The following AGXT variants were observed in gnomAD, a reference collection of about 807,000 sequenced individuals.
AGXT encodes alanine--glyoxylate aminotransferase.
A neutral mutation model predicts 46.9 loss-of-function variants in AGXT; 41 were observed. That is an observed-to-expected ratio of 0.88 (90% CI 0.68 to 1.14). The LOEUF is 1.14. Among genes scored for constraint, AGXT ranks in the 50% most tolerant of loss-of-function variants. The probability of loss-of-function intolerance (pLI) is 0.00; values close to 1 mark genes in which losing one functional copy is unlikely to be tolerated. For missense variants in AGXT, 525 were observed against 522.7 expected, an observed-to-expected ratio of 1.00 and a Z score of -0.04; for synonymous variants, 244 against 227.9, an observed-to-expected ratio of 1.07 and a Z score of -0.64.
chr2:240,869,137 G>T lies in AGXT; in HGVS notation c.166-33G>T, dbSNP rs778459277. On this transcript the variant is annotated intron_variant, in intron 1 of 10. Transcript: ENST00000307503. ...GCCTCCTCACTTGGGGAGGCGGGGA[G>T]CCTGGGTCTCACCCTATACCACCCG... 125 of 1,610,956 alleles carry T rather than the reference G, an allele frequency of 7.8e-5. No homozygotes were observed. The South Asian group carries it at 1.3e-3, about 17-fold the overall frequency.
At chr2:240,873,955 C>A in intron 5 of AGXT, 23 bp from the exon 6 acceptor site, 9 of 1,612,452 alleles carry the variant, frequency 5.6e-6, no homozygotes, top group African/African-American at 1.3e-5. Context: ...CTCACCCGTC[C>A]CGAGCAAACC....
Position 240,875,936 on chromosome 2 carries a change from T to C in AGXT, c.778T>C (p.Tyr260His). ...FWGCDDQPRM[Y>H]HHTIPVISLY... ...ACCAAGCCCCCTCGTGTCTTCCAGG[T>C]ACCATCACACAATCCCCGTCATCAG... Residue 260 changes from tyrosine (Y) to histidine (H), a missense_variant and splice_region_variant, in exon 8 of 11, where the codon TAC becomes CAC. By Grantham distance (83) the Tyr-to-His change is moderately conservative (BLOSUM62 2). Coordinates refer to ENST00000307503, the MANE Select transcript of AGXT (RefSeq NM_000030.3). 6.2e-7 allele frequency: 1 copy of C among 1,614,108 alleles called. No homozygotes were observed. Among genetic ancestry groups the C allele is most frequent in the Non-Finnish European group, 8.5e-7 (1 of 1,180,004 alleles).
chr2:240,875,222 T>C lies in AGXT; in HGVS notation c.776+18T>C. The C allele has an allele frequency of 6.3e-7, 1 of 1,598,406 alleles. No individual in the cohort carries two copies. The highest frequency in any genetic ancestry group is 8.6e-7 in the Non-Finnish European group (1 of 1,165,944). On this transcript the variant is annotated intron_variant, in intron 7 of 10. Coordinates refer to ENST00000307503, the MANE Select transcript of AGXT (RefSeq NM_000030.3). ...CCCAGGATGTGAGGCCTGGCAGGGATGGGAAGGTGGAGGGCGCTGGGCATG... is the reference window on the plus strand; with the variant it reads ...CCCAGGATGTGAGGCCTGGCAGGGACGGGAAGGTGGAGGGCGCTGGGCATG...
chr2:240,871,716 G>T (rs1178688161), intron 4 of AGXT, among the ~76,000 whole-genome samples: 1 of 152,158 alleles, frequency 6.6e-6, no homozygotes, highest in East Asian at 1.9e-4. Context: ...AAGAGGGCTT[G>T]GTGCAGACTT....
chr2:240,875,014 C>T (rs1232429863), intron 6 of AGXT, 95 bp from the exon 7 acceptor site: 12 of 1,181,308 alleles, frequency 1.0e-5, no homozygotes, highest in South Asian at 3.7e-5. Flanking sequence ...GGCCCCACCC[C>T]GTCTCACTCC....
chr2:240,878,702 T>C lies in AGXT; in HGVS notation c.1072-12T>C. 6.5e-7 allele frequency: 1 copy of C among 1,546,856 alleles called. No homozygotes were observed. The highest frequency in any genetic ancestry group is 8.7e-7 in the Non-Finnish European group (1 of 1,149,394). ...GCGGGAGGCTGACGTCAGCCCGCCC[T>C]GTGCCCCCCAGGTGCTGCGGATCGG... On this transcript the variant is annotated splice_polypyrimidine_tract_variant and intron_variant, in intron 10 of 10. Transcript: ENST00000307503.
In AGXT at chr2:240,873,959, G is replaced by A. The variant is rs777203875; in HGVS notation, c.596-19G>A. On this transcript the variant is annotated intron_variant, in intron 5 of 10. Coordinates refer to ENST00000307503, the MANE Select transcript of AGXT (RefSeq NM_000030.3). ...CTGAGGTGGGACTCACCCGTCCCGA[G>A]CAAACCACCCATCTACAGGCATCGA... The A allele has an allele frequency of 6.2e-7, 1 of 1,613,028 alleles. No homozygotes were observed. Among genetic ancestry groups the A allele is most frequent in the Non-Finnish European group, 8.5e-7 (1 of 1,179,724 alleles).
At chr2:240,871,127 G>A (rs1384192246) in intron 3 of AGXT, 6 of 612,490 alleles carry the variant, frequency 9.8e-6, no homozygotes, top group Admixed American at 2.6e-5. Context: ...CAACAGGCTG[G>A]GGGCACCCTC....
At position 240,869,227 on chromosome 2, in the gene AGXT, A is replaced by G. The variant is rs752428496; in HGVS notation, c.223A>G (p.Thr75Ala). 6.2e-7 allele frequency: 1 copy of G among 1,601,058 alleles called. No homozygotes were observed. Among genetic ancestry groups the G allele is most frequent in the Non-Finnish European group, 8.5e-7 (1 of 1,171,224 alleles). Residue 75 changes from threonine to alanine, a missense_variant, in exon 2 of 11, where the codon ACA becomes GCA. Coordinates refer to ENST00000307503, the MANE Select transcript of AGXT (RefSeq NM_000030.3). Reference protein sequence around the residue: ...QYVFQTRNPLTLVISGSGHCA... With the variant: ...QYVFQTRNPLALVISGSGHCA... ...CGTGTTCCAGACCAGGAACCCACTC[A>G]CACTGGTCATCTCTGGCTCGGGACA...
Position 240,873,535 on chromosome 2 carries a change from C to T in AGXT, c.596-443C>T, listed in dbSNP as rs868144485. 6.6e-5 allele frequency: 18 copies of T among 271,910 alleles called. 1 individual carries two copies. The highest frequency in any genetic ancestry group is 3.4e-4 in the South Asian group (7 of 20,862). The allele number at this position is 271,910 out of a possible 1,614,324, so 16.8% of individuals were successfully genotyped here. ...GGAGCCTCCTGTGCCCATCCGCTTA[C>T]GGGAGAGAGCCTGCACATTGCATCC... On this transcript the variant is annotated intron_variant, in intron 5 of 10. Transcript: ENST00000307503.
intron 2 of AGXT, among the ~76,000 whole-genome samples, chr2:240,869,580 C>G (rs1051834027): frequency 1.3e-5 from 2 of 152,212 alleles, no homozygotes; most frequent in East Asian, 3.9e-4. Flanking sequence ...GCACAGGTGC[C>G]CCGATCCCCC....
Position 240,869,379 on chromosome 2 carries a change from G to A in AGXT, c.358+17G>A, listed in dbSNP as rs775392673. On this transcript the variant is annotated intron_variant, in intron 2 of 10. Transcript: ENST00000307503. ...AGCGCATAGGTAAGGGAGAGGCCCAGGTGGGGATGGCCCTGGATCCATCCT... is the reference window on the plus strand; with the variant it reads ...AGCGCATAGGTAAGGGAGAGGCCCAAGTGGGGATGGCCCTGGATCCATCCT... 4 of 1,562,528 alleles carry A rather than the reference G, an allele frequency of 2.6e-6. No homozygotes were observed. The highest frequency in any genetic ancestry group is 1.4e-5 in the African/African-American group (1 of 73,970).
At chr2:240,875,884 T>G (rs769705027) in intron 7 of AGXT, 51 bp from the exon 8 acceptor site, 23 of 1,587,642 alleles carry the variant, frequency 1.4e-5, no homozygotes, top group Non-Finnish European at 2.0e-5. Context: ...ATGCCCCATC[T>G]GCCCCCAACC....
In AGXT at chr2:240,872,997, G is replaced by C; in HGVS notation, c.543G>C (p.Leu181=). Residue 181 remains leucine (L), a synonymous_variant, in exon 5 of 11, where the codon CTG becomes CTC. Coordinates refer to ENST00000307503, the MANE Select transcript of AGXT (RefSeq NM_000030.3). ...ELCHRYKCLL[L]VDSVASLGGT... is the part of the protein sequence containing the mutation. ...TCTCCAGGTACAAGTGCCTGCTCCT[G>C]GTGGATTCGGTGGCATCCCTGGGCG... 1 of 1,613,990 alleles carries C rather than the reference G, an allele frequency of 6.2e-7. No individual in the cohort carries two copies. The highest frequency in any genetic ancestry group is 8.5e-7 in the Non-Finnish European group (1 of 1,179,948).
chr2:240,869,424 C>G (rs1370203714), intron 2 of AGXT, 62 bp downstream of exon 2: 1 of 1,280,124 alleles, frequency 7.8e-7, no homozygotes, highest in African/African-American at 1.4e-5. Context: ...CCCTGGCCTC[C>G]CTCTGTTTGA....
chr2:240,873,883 G>T, intron 5 of AGXT, 95 bp from the exon 6 acceptor site: 5 of 1,123,556 alleles, frequency 4.5e-6, no homozygotes, highest in Non-Finnish European at 6.8e-6. Flanking sequence ...TGGTAGGGTC[G>T]TAGCCTACCA....
At chr2:240,871,249 GC>G (rs2058988756) in intron 3 of AGXT, 99 bp from the exon 4 acceptor site, 4 of 1,029,748 alleles carry the variant, frequency 3.9e-6, no homozygotes, top group Admixed American at 2.0e-5. Context: ...GGCAGGCCCA[GC>G]CCCTGCTACC....
chr2:240,875,065 C>A, intron 6 of AGXT, 44 bp from the exon 7 acceptor site: 1 of 1,535,580 alleles, frequency 6.5e-7, no homozygotes, highest in African/African-American at 1.4e-5. Context: ...TGGCCTTCAG[C>A]CCAAACTGAG....
At chr2:240,875,649 A>G (rs1449577442) in intron 7 of AGXT, among the ~76,000 whole-genome samples, 1 of 152,216 alleles carries the variant, frequency 6.6e-6, no homozygotes, top group Non-Finnish European at 1.5e-5. Context: ...CCGGCTTCGC[A>G]GGCACGCTGG....
Sources: allele counts gnomAD v4.1 joint callset (sites outside exome capture counted in the v4.1 genomes callset), GRCh38; gene constraint gnomAD v4.1.1; transcripts MANE v1.5; gene names NCBI Gene and HGNC (gene_info 2026-07-23, HGNC 2026-07-21).